PELO: variants seen among roughly 807,000 people sequenced by gnomAD.
PELO encodes the protein pelota mRNA surveillance and ribosome rescue factor.
PELO carries 19 observed loss-of-function variants against 25.9 expected under a neutral mutation model. That is an observed-to-expected ratio of 0.73 (90% CI 0.51 to 1.08). The LOEUF is 1.08. Ranked by LOEUF, PELO falls within the 50% of genes least tolerant of loss-of-function variation. PELO has a pLI of 0.00. For missense variants in PELO, 498 were observed against 491.4 expected (o/e 1.01, Z -0.13); for synonymous variants, 196 against 192.2 (o/e 1.02, Z -0.16).
At position 52,801,828 on chromosome 5, in the gene PELO, T is replaced by C; in HGVS notation, c.1146T>C (p.Ser382=). Residue 382 remains serine (S), a synonymous_variant, in exon 3 of 3, where the codon TCT becomes TCC. Transcript: ENST00000274311. ...CTGACCAAGAGGGTGATTCCAGTTC[T>C]GAAGAGGATTAATGATTGAAACTTA... ...ELSDQEGDSS[S]EED is the part of the protein sequence containing the mutation. 2 of 1,601,092 alleles carry C rather than the reference T, an allele frequency of 1.2e-6. No individual in the cohort carries two copies. Among genetic ancestry groups the C allele is most frequent in the Non-Finnish European group, 8.5e-7 (1 of 1,172,816 alleles).
intron 1 of PELO, among the ~76,000 whole-genome samples, chr5:52,794,977 T>C (rs908581157): frequency 4.6e-5 from 7 of 152,014 alleles, no homozygotes. Context: ...TACCATTTTC[T>C]TACCTAAGCA....
Position 52,800,122 on chromosome 5 carries a change from G to T in PELO, c.-273G>T, listed in dbSNP as rs1330039967. On this transcript the variant is annotated 5_prime_UTR_variant, in exon 2 of 3. Coordinates refer to ENST00000274311, the MANE Select transcript of PELO (RefSeq NM_015946.5). ...TTTCGTCAGCCCGCTGTTGCGTGCT[G>T]CCAGCGGGAACTGTGTAGGGGTAGA... The T allele has an allele frequency of 4.8e-6, 2 of 414,166 alleles. No homozygotes were observed. Among genetic ancestry groups the T allele is most frequent in the Non-Finnish European group, 8.8e-6 (2 of 228,424 alleles). The allele number at this position is 414,166 out of a possible 1,614,324, so 25.7% of individuals were successfully genotyped here.
intron 1 of PELO, among the ~76,000 whole-genome samples, chr5:52,793,110 AC>A (rs1395782681): frequency 6.6e-6 from 1 of 152,004 alleles, no homozygotes. Flanking sequence ...ATTGGACCCT[AC>A]CTTAGGACAT....
In PELO at chr5:52,788,278, C is replaced by A; in HGVS notation, c.-647C>A. The A allele has an allele frequency of 8.4e-7, 1 of 1,195,990 alleles. No individual in the cohort carries two copies. The highest frequency in any genetic ancestry group is 1.1e-6 in the Non-Finnish European group (1 of 903,658). 74.1% of individuals were successfully genotyped at this position (1,195,990 alleles called of 1,614,324 possible). ...CGCGGCAGCGGGATAAGTGGCCCAG[C>A]CAGAGAGCGCAGCTCCCGCGCCCGG... On this transcript the variant is annotated 5_prime_UTR_variant, in exon 1 of 3. Transcript: ENST00000274311.
intron 1 of PELO, among the ~76,000 whole-genome samples, chr5:52,789,410 T>C (rs1385876193): frequency 6.6e-6 from 1 of 152,206 alleles, no homozygotes; most frequent in East Asian, 1.9e-4. Flanking sequence ...TTTAGCATTT[T>C]TACCACTAAA....
intron 1 of PELO, among the ~76,000 whole-genome samples, chr5:52,799,432 G>A (rs1213340061): frequency 6.6e-6 from 1 of 152,186 alleles, no homozygotes; most frequent in Non-Finnish European, 1.5e-5. Context: ...CTACTGGGCT[G>A]CGGAAAGCTG....
Position 52,801,752 on chromosome 5 carries a change from G to C in PELO, c.1070G>C (p.Ser357Thr), listed in dbSNP as rs1561212422. 1 of 1,614,018 alleles carries C rather than the reference G, an allele frequency of 6.2e-7. No homozygotes were observed. The highest frequency in any genetic ancestry group is 8.5e-7 in the Non-Finnish European group (1 of 1,179,994). Reference sequence around the variant, plus strand: ...CTTCACGTTTCTGGGGAACAGCTCAGCCAGTTGACTGGGGTAGCTGCCATT... The same window carrying C: ...CTTCACGTTTCTGGGGAACAGCTCACCCAGTTGACTGGGGTAGCTGCCATT... ...SSLHVSGEQL[S>T]QLTGVAAILR... The change falls in exon 3 of 3, where the codon AGC becomes ACC. Residue 357 changes from serine to threonine, a missense_variant. Coordinates refer to ENST00000274311, the MANE Select transcript of PELO (RefSeq NM_015946.5).
chr5:52,801,205 T>C, intron 2 of PELO, 85 bp downstream of exon 2: 1 of 1,363,324 alleles, frequency 7.3e-7, no homozygotes. Flanking sequence ...CTGGGAAAAA[T>C]AAGAAGAGAA....
chr5:52,799,795 T>C (rs1045304050), intron 1 of PELO, 90 bp from the exon 2 acceptor site: 1 of 154,750 alleles, frequency 6.5e-6, no homozygotes, highest in Non-Finnish European at 1.4e-5. Flanking sequence ...AGCTTTGAAA[T>C]TGGATTTACC....
chr5:52,796,582 T>C (rs1748347783), intron 1 of PELO, among the ~76,000 whole-genome samples: 1 of 152,010 alleles, frequency 6.6e-6, no homozygotes, highest in Non-Finnish European at 1.5e-5. Context: ...TTAAGTGAAA[T>C]ACAGTCAATA....
In PELO at chr5:52,794,099, A is replaced by G. The variant is rs181951062; in HGVS notation, c.-511+5685A>G. On this transcript the variant is annotated intron_variant, in intron 1 of 2. Transcript: ENST00000274311. The stretch of plus-strand genomic sequence containing the variant: ...GTTAAAAAAAATCAATTTTATCCAA[A>G]CAGGAGATCCCTATTAACAAGATAA... Among the ~76,000 whole-genome samples, 1,459 of 152,146 alleles carry G rather than the reference A, an allele frequency of 9.6e-3. 11 individuals carry two copies. Among genetic ancestry groups the G allele is most frequent in the Non-Finnish European group, 0.015 (1,009 of 67,870 alleles).
chr5:52,800,279 C>T lies in PELO; in HGVS notation c.-116C>T. The T allele has an allele frequency of 9.3e-7, 1 of 1,080,422 alleles. No homozygotes were observed. The highest frequency in any genetic ancestry group is 1.5e-5 in the South Asian group (1 of 68,456). 66.9% of individuals were successfully genotyped at this position (1,080,422 alleles called of 1,614,324 possible). A position where few individuals can be genotyped will look rare whatever the true frequency, so the allele number is the denominator to read the frequency against. On this transcript the variant is annotated 5_prime_UTR_variant, in exon 2 of 3. Transcript: ENST00000274311. Reference sequence around the variant, plus strand: ...GTGTTTCCTTCCCGCCAGGCAAGTGCCCTTAGAAACCGGGCCCCGCCCCCT... The same window carrying T: ...GTGTTTCCTTCCCGCCAGGCAAGTGTCCTTAGAAACCGGGCCCCGCCCCCT...
chr5:52,801,576 G>A lies in PELO; in HGVS notation c.894G>A (p.Gln298=). ...EPDRAFYGLK[Q]VEKANEAMAI... is the part of the protein sequence containing the mutation. The stretch of plus-strand genomic sequence containing the variant: ...ATCGAGCTTTCTATGGACTCAAGCA[G>A]GTGGAGAAGGCCAATGAAGCCATGG... Residue 298 remains glutamine, a synonymous_variant, in exon 3 of 3, where the codon CAG becomes CAA. Coordinates refer to ENST00000274311, the MANE Select transcript of PELO (RefSeq NM_015946.5). 1.2e-6 allele frequency: 2 copies of A among 1,614,168 alleles called. No individual in the cohort carries two copies. The highest frequency in any genetic ancestry group is 1.7e-6 in the Non-Finnish European group (2 of 1,180,032).
intron 1 of PELO, among the ~76,000 whole-genome samples, chr5:52,788,666 G>C (rs7706108): frequency 0.78 from 118,043 of 152,152 alleles, 45,944 homozygotes; most frequent in Non-Finnish European, 0.79. Flanking sequence ...GAAAACCTTA[G>C]AAGGTAGAAT....
intron 1 of PELO, among the ~76,000 whole-genome samples, chr5:52,794,801 C>A (rs1234194865): frequency 2.0e-5 from 3 of 151,942 alleles, no homozygotes; most frequent in Non-Finnish European, 4.4e-5. Context: ...TTTGCACATT[C>A]TCTCTAAATA....
At chr5:52,792,462 A>T (rs1373292809) in intron 1 of PELO, among the ~76,000 whole-genome samples, 2 of 152,180 alleles carry the variant, frequency 1.3e-5, no homozygotes, top group African/African-American at 4.8e-5. Flanking sequence ...CATGAGACAC[A>T]TATATATGCT....
Position 52,788,355 on chromosome 5 carries a change from TGGCCCCTC to T in PELO, c.-563_-556del. 1 of 1,509,150 alleles carries T rather than the reference TGGCCCCTC, an allele frequency of 6.6e-7. No homozygotes were observed. Among genetic ancestry groups the T allele is most frequent in the Non-Finnish European group, 8.8e-7 (1 of 1,133,412 alleles). The allele number at this position is 1,509,150 out of a possible 1,614,324, so 93.5% of individuals were successfully genotyped here. On this transcript the variant is annotated 5_prime_UTR_variant, in exon 1 of 3. The change creates a premature stop within an existing upstream ORF in the 5' untranslated region. Coordinates refer to ENST00000274311, the MANE Select transcript of PELO (RefSeq NM_015946.5). ...CCTGGCGCTGAGGCTGCTCCGGCCA[TGGCCCCTC>T]GGCCCCGCGCCCGCCCAGGGGTCGC...
intron 1 of PELO, among the ~76,000 whole-genome samples, chr5:52,798,558 T>C (rs1473711403): frequency 6.6e-6 from 1 of 152,102 alleles, no homozygotes; most frequent in Admixed American, 6.5e-5. Flanking sequence ...TTTTGAGGGC[T>C]CCAAATTTAA....
At chr5:52,792,265 A>G (rs1394422415) in intron 1 of PELO, among the ~76,000 whole-genome samples, 6 of 152,176 alleles carry the variant, frequency 3.9e-5, no homozygotes, top group Non-Finnish European at 7.4e-5. Context: ...AGGAGATGGG[A>G]GATGGCTGAA....
Sources: allele counts gnomAD v4.1 joint callset (sites outside exome capture counted in the v4.1 genomes callset), GRCh38; gene constraint gnomAD v4.1.1; transcripts MANE v1.5; gene names NCBI Gene and HGNC (gene_info 2026-07-23, HGNC 2026-07-21).